The following FOXN2 variants were observed in gnomAD, a reference collection of about 807,000 sequenced individuals.
FOXN2 encodes the protein forkhead box protein N2.
In FOXN2, 19 loss-of-function variants were observed where a neutral mutation model predicts 41.2. The ratio of observed to expected loss-of-function variants is 0.46; its 90% CI spans 0.32 to 0.68. The LOEUF (loss-of-function observed/expected upper bound fraction) is 0.68. FOXN2 is among the 30% of genes least tolerant of loss of function. The pLI is 0.03. For missense variants in FOXN2, 587 were observed against 509.4 expected (o/e 1.15, Z -1.47); for synonymous variants, 195 against 176.8 (o/e 1.10, Z -0.82).
chr2:48,332,854 A>G (rs763200138), intron 2 of FOXN2, among the ~76,000 whole-genome samples: 6 of 152,120 alleles, frequency 3.9e-5, no homozygotes, highest in African/African-American at 7.2e-5. Flanking sequence ...TTCTAAGTTG[A>G]TAGGTCTCAT....
intron 3 of FOXN2, among the ~76,000 whole-genome samples, chr2:48,355,812 T>A (rs1361003440): frequency 1.3e-5 from 2 of 152,176 alleles, no homozygotes; most frequent in Non-Finnish European, 2.9e-5. Flanking sequence ...AAGATGTTTT[T>A]CTCCCTATCA....
At chr2:48,327,005 C>G (rs1669720649) in intron 1 of FOXN2, among the ~76,000 whole-genome samples, 1 of 152,046 alleles carries the variant, frequency 6.6e-6, no homozygotes, top group Non-Finnish European at 1.5e-5. Context: ...TTGACCTAGG[C>G]TATAGTTGTG....
chr2:48,363,013 T>A (rs1672296454), intron 5 of FOXN2, among the ~76,000 whole-genome samples: 1 of 152,218 alleles, frequency 6.6e-6, no homozygotes, highest in Admixed American at 6.5e-5. Context: ...CTATACTTTT[T>A]ACTGTTATTT....
chr2:48,361,358 C>T (rs977277920), intron 4 of FOXN2, among the ~76,000 whole-genome samples: 7 of 151,408 alleles, frequency 4.6e-5, no homozygotes, highest in East Asian at 2.0e-4. Context: ...CCCAGCTACT[C>T]GGGAGGCTGA....
At chr2:48,327,102 C>G (rs948309777) in intron 1 of FOXN2, among the ~76,000 whole-genome samples, 1 of 152,060 alleles carries the variant, frequency 6.6e-6, no homozygotes, top group Non-Finnish European at 1.5e-5. Flanking sequence ...AGACCTCTTT[C>G]CTGAACTTTA....
chr2:48,375,481 CT>C lies in FOXN2; in HGVS notation c.*41del. 6.5e-7 allele frequency: 1 copy of C among 1,534,004 alleles called. No homozygotes were observed. On this transcript the variant is annotated 3_prime_UTR_variant, in exon 7 of 7. Coordinates refer to ENST00000340553, the MANE Select transcript of FOXN2 (RefSeq NM_002158.4). ...TGTGGCAATACTCTTTCACTTAATT[CT>C]TTACAAGGGATATCAAAGCCATAAT...
At chr2:48,369,898 G>T (rs1451841780) in intron 5 of FOXN2, among the ~76,000 whole-genome samples, 1 of 152,076 alleles carries the variant, frequency 6.6e-6, no homozygotes, top group Non-Finnish European at 1.5e-5. Context: ...TACTTGGGAA[G>T]CTAAGGTTGA....
At chr2:48,319,673 C>T (rs1201044974) in intron 1 of FOXN2, among the ~76,000 whole-genome samples, 1 of 145,934 alleles carries the variant, frequency 6.9e-6, no homozygotes, top group African/African-American at 2.5e-5. Flanking sequence ...GCAGTGGTAA[C>T]AATCACAGTG....
intron 3 of FOXN2, among the ~76,000 whole-genome samples, chr2:48,347,161 A>G (rs1309510794): frequency 7.7e-6 from 1 of 130,394 alleles, no homozygotes; most frequent in Non-Finnish European, 1.7e-5. Context: ...TTTCTTTTCC[A>G]CTTTTCCTGC....
chr2:48,370,127 G>A (rs1672792505), intron 5 of FOXN2, among the ~76,000 whole-genome samples: 1 of 152,194 alleles, frequency 6.6e-6, no homozygotes, highest in African/African-American at 2.4e-5. Context: ...GGCAGTGAGT[G>A]GGGCCTGAAA....
At chr2:48,368,740 A>G (rs1181264513) in intron 5 of FOXN2, among the ~76,000 whole-genome samples, 3 of 152,232 alleles carry the variant, frequency 2.0e-5, no homozygotes, top group Admixed American at 6.5e-5. Context: ...ATAATTAAAA[A>G]TTGTAATTTC....
chr2:48,327,420 G>A (rs543811990), intron 1 of FOXN2, among the ~76,000 whole-genome samples: 1 of 151,764 alleles, frequency 6.6e-6, no homozygotes, highest in South Asian at 2.1e-4. Context: ...ATTTTAGAAA[G>A]TATTACTTTC....
rs868654625 is a variant in FOXN2 at position 48,346,306 on chromosome 2, G to C, written c.92G>C (p.Gly31Ala). 1 of 1,614,072 alleles carries C rather than the reference G, an allele frequency of 6.2e-7. No individual in the cohort carries two copies. Among genetic ancestry groups the C allele is most frequent in the African/African-American group, 1.3e-5 (1 of 74,928 alleles). Residue 31 changes from glycine (G) to alanine (A), a missense_variant, in exon 3 of 7, where the codon GGA (glycine) becomes GCA (alanine). Physicochemically the swap from Gly to Ala is moderately conservative, Grantham distance 60. Coordinates refer to ENST00000340553, the MANE Select transcript of FOXN2 (RefSeq NM_002158.4). The part of the protein sequence containing the change: ...IAGLSQIYKM[G>A]SLPEAVDAAR... ...GGATTAAGCCAGATTTACAAAATGG[G>C]AAGCTTGCCTGAAGCTGTTGATGCT...
rs112270618 is a variant in FOXN2, at chr2:48,365,639, G to A, written c.703+2932G>A. Among the ~76,000 whole-genome samples the A allele has an allele frequency of 4.5e-3, 688 of 152,144 alleles. 6 individuals carry two copies. Among genetic ancestry groups the A allele is most frequent in the African/African-American group, 0.015 (638 of 41,502 alleles). ...TTCTTCTTCATCTAATGACTTGTAC[G>A]TATTATGCATCATCTGTCTAGTGCT... On this transcript the variant is annotated intron_variant, in intron 5 of 6. Coordinates refer to ENST00000340553, the MANE Select transcript of FOXN2 (RefSeq NM_002158.4).
chr2:48,341,669 G>A (rs952864533), intron 2 of FOXN2, among the ~76,000 whole-genome samples: 2 of 152,302 alleles, frequency 1.3e-5, no homozygotes, highest in South Asian at 2.1e-4. Context: ...CCAAGAAAGA[G>A]CATGTGGCCA....
intron 5 of FOXN2, among the ~76,000 whole-genome samples, chr2:48,368,651 C>T (rs1386230061): frequency 1.3e-5 from 2 of 152,178 alleles, no homozygotes; most frequent in Non-Finnish European, 2.9e-5. Flanking sequence ...ATGATTGCAC[C>T]ATTGCACTCC....
rs761974067 is a variant in FOXN2, at chr2:48,346,745, T to G, written c.531T>G (p.His177Gln). Residue 177 changes from histidine (H) to glutamine (Q), a missense_variant, in exon 3 of 7, where the codon CAT becomes CAG. His to Gln is a conservative substitution (Grantham distance 24, BLOSUM62 0). Transcript: ENST00000340553. ...NKCFQKVERSHGKVNGKGSLW... is the reference protein window; with the variant it reads ...NKCFQKVERSQGKVNGKGSLW... The stretch of plus-strand genomic sequence containing the variant: ...GTTTTCAGAAAGTGGAAAGAAGCCA[T>G]GGCAAGGTCAGTGTTTATGAACATT... 1.3e-6 allele frequency: 2 copies of G among 1,584,272 alleles called. No homozygotes were observed. Among genetic ancestry groups the G allele is most frequent in the Non-Finnish European group, 1.7e-6 (2 of 1,168,662 alleles).
chr2:48,374,596 A>G (rs1411590884), intron 6 of FOXN2, among the ~76,000 whole-genome samples: 1 of 152,220 alleles, frequency 6.6e-6, no homozygotes, highest in Admixed American at 6.5e-5. Context: ...CATGATTTAT[A>G]CTAATGAAAA....
At position 48,346,351 on chromosome 2, in the gene FOXN2, T is replaced by C. The variant is rs145473903; in HGVS notation, c.137T>C (p.Leu46Pro). The C allele has an allele frequency of 6.2e-7, 1 of 1,614,206 alleles. No individual in the cohort carries two copies. Among genetic ancestry groups the C allele is most frequent in the Non-Finnish European group, 8.5e-7 (1 of 1,180,030 alleles). ...AVDAARPKAT[L>P]VDSESADDEL... ...GATGCTGCCAGGCCGAAGGCCACTC[T>C]AGTGGACAGTGAGTCAGCAGATGAT... Residue 46 changes from leucine to proline, a missense_variant, in exon 3 of 7, where the codon CTA becomes CCA. By Grantham distance (98) the Leu-to-Pro change is moderately conservative (BLOSUM62 -3). Transcript: ENST00000340553.
Sources: allele counts gnomAD v4.1 joint callset (sites outside exome capture counted in the v4.1 genomes callset), GRCh38; gene constraint gnomAD v4.1.1; transcripts MANE v1.5; gene names NCBI Gene and HGNC (gene_info 2026-07-23, HGNC 2026-07-21).